Variants in SEC14L4 observed in about 807,000 individuals in gnomAD.
SEC14L4 encodes SEC14 like lipid binding 4.
In SEC14L4, 42 loss-of-function variants were observed where a neutral mutation model predicts 55.1. The observed-to-expected ratio is 0.76, with a 90% CI of 0.60 to 0.99. SEC14L4 has a LOEUF of 0.99. Among genes scored for constraint, SEC14L4 ranks in the 50% least tolerant of loss-of-function variants. SEC14L4 has a pLI of 0.00. For missense variants in SEC14L4, 445 were observed against 512.1 expected, an observed-to-expected ratio of 0.87 and a Z score of 1.27; for synonymous variants, 206 against 206.8, an observed-to-expected ratio of 1.00 and a Z score of 0.03.
chr22:30,496,042 G>C (rs369347556), intron 2 of SEC14L4, 71 bp from the exon 3 acceptor site: 1 of 1,326,376 alleles, frequency 7.5e-7, no homozygotes, highest in African/African-American at 1.5e-5. Flanking sequence ...AAACTCATGA[G>C]GAAACAGCTA....
chr22:30,503,102 G>T (rs973156091), intron 2 of SEC14L4, among the ~76,000 whole-genome samples: 1 of 152,184 alleles, frequency 6.6e-6, no homozygotes, highest in African/African-American at 2.4e-5. Flanking sequence ...TGTCCTGGCT[G>T]TTAACTGTAA....
intron 1 of SEC14L4, among the ~76,000 whole-genome samples, chr22:30,504,652 GA>G (rs1259499687): frequency 6.6e-6 from 1 of 151,772 alleles, no homozygotes. Flanking sequence ...AGGCTTTGTG[GA>G]AAAAAAACAG....
In SEC14L4 at chr22:30,494,220, C is replaced by T. The variant is rs368946320; in HGVS notation, c.520-10G>A. The stretch of plus-strand genomic sequence containing the variant: ...CCAGGATGCTAAAAAACTGTGGAGT[C>T]AAGATGAGTCTGGTTGGGGCTCTGT... On this transcript the variant is annotated splice_polypyrimidine_tract_variant and intron_variant, in intron 6 of 11. Transcript: ENST00000255858. 8.7e-6 allele frequency: 14 copies of T among 1,610,594 alleles called. No homozygotes were observed. The highest frequency in any genetic ancestry group is 1.2e-5 in the Non-Finnish European group (14 of 1,176,936).
At chr22:30,493,332 C>T (rs767067366) in intron 7 of SEC14L4, among the ~76,000 whole-genome samples, 22 of 152,156 alleles carry the variant, frequency 1.4e-4, no homozygotes, top group Non-Finnish European at 2.6e-4. Flanking sequence ...CTCTGTGCTC[C>T]ATCTTCTCCA....
At chr22:30,497,167 C>T (rs1042470996) in intron 2 of SEC14L4, among the ~76,000 whole-genome samples, 1 of 152,050 alleles carries the variant, frequency 6.6e-6, no homozygotes, top group Non-Finnish European at 1.5e-5. Context: ...GGTGAAACCC[C>T]GTCTCTACTA....
chr22:30,495,323 C>G lies in SEC14L4; in HGVS notation c.354G>C (p.Gln118His). ...CTTTGATGCGCTTCCGGATCATATC[C>G]TGCTTGGAGGCTGACAGCAGGAGAC... ...PKGLLLSASK[Q>H]DMIRKRIKVC... The change falls in exon 5 of 12, where the codon CAG (glutamine) becomes CAC (histidine). Residue 118 changes from glutamine to histidine, a missense_variant. By Grantham distance (24) the Gln-to-His change is conservative (BLOSUM62 0). Transcript: ENST00000255858. 3.1e-6 allele frequency: 5 copies of G among 1,614,078 alleles called. No individual in the cohort carries two copies. The highest frequency in any genetic ancestry group is 1.7e-6 in the Non-Finnish European group (2 of 1,180,020).
At chr22:30,497,093 C>T (rs1936174436) in intron 2 of SEC14L4, among the ~76,000 whole-genome samples, 1 of 152,028 alleles carries the variant, frequency 6.6e-6, no homozygotes, top group African/African-American at 2.4e-5. Context: ...AATTCCAGCA[C>T]TTTGGGAGAC....
chr22:30,496,123 G>A, intron 2 of SEC14L4, 152 bp from the exon 3 acceptor site: 1 of 654,040 alleles, frequency 1.5e-6, no homozygotes, highest in South Asian at 1.9e-5. Context: ...TTGTTTGTTT[G>A]TGTGTTTATT....
chr22:30,490,523 C>T (rs988827855), intron 11 of SEC14L4, among the ~76,000 whole-genome samples: 1 of 152,220 alleles, frequency 6.6e-6, no homozygotes, highest in Non-Finnish European at 1.5e-5. Context: ...GAACAGCACA[C>T]AGCCAGGGAG....
chr22:30,495,094 G>A (rs1936094957), intron 5 of SEC14L4, 133 bp from the exon 6 acceptor site: 4 of 984,328 alleles, frequency 4.1e-6, no homozygotes, highest in Non-Finnish European at 6.0e-6. Context: ...CCAGACAGAT[G>A]GACAACACCT....
chr22:30,494,935 C>G lies in SEC14L4; in HGVS notation c.450G>C (p.Leu150=), dbSNP rs199986939. ...QKLGRKIEMA[L]MVFDMEGLSL... ...TCAGCCCCTCCATGTCAAACACCAT[C>G]AGCGCCATCTCGATCTTCCTGCCCA... The change falls in exon 6 of 12, where the codon CTG becomes CTC. Residue 150 remains leucine (L), a synonymous_variant. Coordinates refer to ENST00000255858, the MANE Select transcript of SEC14L4 (RefSeq NM_174977.4). The G allele has an allele frequency of 6.2e-6, 10 of 1,613,618 alleles. No homozygotes were observed. Among genetic ancestry groups the G allele is most frequent in the Non-Finnish European group, 8.5e-6 (10 of 1,179,938 alleles).
At chr22:30,497,959 G>A (rs11704395) in intron 2 of SEC14L4, among the ~76,000 whole-genome samples, 4,415 of 152,046 alleles carry the variant, frequency 0.029, 100 homozygotes, top group Middle Eastern at 0.058. Context: ...TAATTTAATC[G>A]TTACAGTTAT....
At chr22:30,504,301 C>T (rs907695852) in intron 1 of SEC14L4, among the ~76,000 whole-genome samples, 8 of 150,300 alleles carry the variant, frequency 5.3e-5, no homozygotes, top group Non-Finnish European at 1.0e-4. Context: ...ACAATCCACC[C>T]GCCTTAGTAT....
intron 2 of SEC14L4, among the ~76,000 whole-genome samples, chr22:30,500,120 T>C (rs1026000656): frequency 2.0e-5 from 3 of 152,084 alleles, no homozygotes; most frequent in African/African-American, 7.2e-5. Flanking sequence ...TCCGCCCACC[T>C]CGGCCTCCCA....
At chr22:30,496,051 T>C (rs1936140327) in intron 2 of SEC14L4, 80 bp from the exon 3 acceptor site, 1 of 1,174,698 alleles carries the variant, frequency 8.5e-7, no homozygotes, top group Non-Finnish European at 1.2e-6. Flanking sequence ...AGGAAACAGC[T>C]AAGGTGTCCC....
intron 2 of SEC14L4, among the ~76,000 whole-genome samples, chr22:30,496,828 T>C (rs1350650302): frequency 6.6e-6 from 1 of 152,214 alleles, no homozygotes; most frequent in African/African-American, 2.4e-5. Flanking sequence ...ACAGTAGCTA[T>C]CATGATTACC....
intron 7 of SEC14L4, among the ~76,000 whole-genome samples, chr22:30,493,226 G>A (rs998094863): frequency 6.6e-6 from 1 of 152,118 alleles, no homozygotes; most frequent in Non-Finnish European, 1.5e-5. Context: ...CCACACTCCA[G>A]GTTGTCTGGA....
At position 30,492,393 on chromosome 22, in the gene SEC14L4, G is replaced by A. The variant is rs562648310; in HGVS notation, c.664+81C>T. 51 of 1,359,268 alleles carry A rather than the reference G, an allele frequency of 3.8e-5. No homozygotes were observed. The East Asian group carries it at 8.8e-4, about 23-fold the overall frequency. 84.2% of individuals were successfully genotyped at this position (1,359,268 alleles called of 1,614,324 possible). A position where few individuals can be genotyped will look rare whatever the true frequency, so the allele number is the denominator to read the frequency against. ...CAGGGGTAGTGCCCGAGTAGAGGAC[G>A]AGCCAGGGAGAAGCAGGGTCTTTAG... On this transcript the variant is annotated intron_variant, in intron 8 of 11. Coordinates refer to ENST00000255858, the MANE Select transcript of SEC14L4 (RefSeq NM_174977.4).
chr22:30,496,630 G>T (rs538446965), intron 2 of SEC14L4, among the ~76,000 whole-genome samples: 1 of 152,188 alleles, frequency 6.6e-6, no homozygotes, highest in East Asian at 1.9e-4. Flanking sequence ...CAGAGACTGG[G>T]GCTTAAAGTC....
Sources: allele counts gnomAD v4.1 joint callset (sites outside exome capture counted in the v4.1 genomes callset), GRCh38; gene constraint gnomAD v4.1.1; transcripts MANE v1.5; gene names NCBI Gene and HGNC (gene_info 2026-07-23, HGNC 2026-07-21).